The following ZMYM5 variants were observed in gnomAD, a reference collection of about 807,000 sequenced individuals.
ZMYM5 encodes the protein zinc finger MYM-type protein 5.
In ZMYM5, 41 loss-of-function variants were observed where a neutral mutation model predicts 61.8. The observed-to-expected ratio is 0.66, with a 90% CI of 0.52 to 0.86. ZMYM5 has a LOEUF of 0.86. ZMYM5 is among the 40% of genes least tolerant of loss of function. The pLI, the probability that ZMYM5 is intolerant of heterozygous loss-of-function variation, is 0.00. For synonymous variants in ZMYM5, 257 were observed against 276.4 expected, an observed-to-expected ratio of 0.93 and a Z score of 0.70; for missense variants, 706 against 786.7, an observed-to-expected ratio of 0.90 and a Z score of 1.23.
Position 19,825,164 on chromosome 13 carries a change from A to G in ZMYM5, c.1323T>C (p.Asn441=). 7.6e-7 allele frequency: 1 copy of G among 1,311,240 alleles called. No individual in the cohort carries two copies. The highest frequency in any genetic ancestry group is 2.4e-5 in the Admixed American group (1 of 41,858). The allele number at this position is 1,311,240 out of a possible 1,614,324, so 81.2% of individuals were successfully genotyped here. The change falls in exon 8 of 8, where the codon AAT becomes AAC. Residue 441 remains asparagine, a synonymous_variant. Transcript: ENST00000337963. The part of the protein sequence containing the change: ...NRKRNAFREE[N]EKQLYGSSNT... ...TTGACGATCCATATAATTGTTTCTC[A>G]TTTTCTTCTCTAAAAGCATTCCTTT... is the stretch of plus-strand genomic sequence containing the variant.
At chr13:19,850,725 T>A (rs1302907042) in intron 4 of ZMYM5, among the ~76,000 whole-genome samples, 1 of 152,122 alleles carries the variant, frequency 6.6e-6, no homozygotes, top group African/African-American at 2.4e-5. Flanking sequence ...AATCATTATA[T>A]ATTACTTTGT....
intron 2 of ZMYM5, among the ~76,000 whole-genome samples, chr13:19,859,529 A>G (rs920768071): frequency 3.3e-5 from 5 of 151,784 alleles, no homozygotes; most frequent in Non-Finnish European, 5.9e-5. Context: ...CAGCCTCCTG[A>G]GTAGCTGGGA....
At chr13:19,845,935 C>T (rs1953058334) in intron 4 of ZMYM5, among the ~76,000 whole-genome samples, 1 of 152,138 alleles carries the variant, frequency 6.6e-6, no homozygotes, top group African/African-American at 2.4e-5. Flanking sequence ...CTCCAGATCC[C>T]CTCCTCTCCC....
chr13:19,845,232 T>C (rs1210495217), intron 4 of ZMYM5, among the ~76,000 whole-genome samples: 1 of 152,206 alleles, frequency 6.6e-6, no homozygotes, highest in African/African-American at 2.4e-5. Context: ...AAATAAGGTT[T>C]TATAGTCTAC....
rs1952623148 is a variant in ZMYM5 at position 19,834,730 on chromosome 13, AC to A, written c.1251+746del. Among the ~76,000 whole-genome samples the A allele has an allele frequency of 2.0e-5, 3 of 152,056 alleles. No homozygotes were observed. In the South Asian group the frequency reaches 6.2e-4, roughly 31 times the overall value. On this transcript the variant is annotated intron_variant, in intron 7 of 7. Transcript: ENST00000337963. Reference sequence around the variant, plus strand: ...TTTTGAGACAGAGTCTTGCTCTGTCACCCCGGCTGGAATGCAGTGGCATGAT... The same window carrying A: ...TTTTGAGACAGAGTCTTGCTCTGTCACCCGGCTGGAATGCAGTGGCATGAT...
intron 2 of ZMYM5, among the ~76,000 whole-genome samples, chr13:19,860,292 AT>A (rs1176148584): frequency 0.013 from 1,750 of 130,068 alleles, 29 homozygotes; most frequent in African/African-American, 0.042. Context: ...CACCCGTTTA[AT>A]TTTTTTTTTT....
intron 1 of ZMYM5, among the ~76,000 whole-genome samples, chr13:19,862,754 G>C (rs1219449505): frequency 2.0e-5 from 3 of 152,182 alleles, no homozygotes; most frequent in African/African-American, 4.8e-5. Flanking sequence ...ACGTCGTCTC[G>C]ACGCCAGCAA....
chr13:19,828,450 GGAGACAGAGTGAGA>G (rs1891029143), intron 7 of ZMYM5, among the ~76,000 whole-genome samples: 1 of 152,102 alleles, frequency 6.6e-6, no homozygotes, highest in African/African-American at 2.4e-5. Flanking sequence ...CTCCAGCCTG[GGAGACAGAGTGAGA>G]CTCTGTCTCC....
chr13:19,824,380 G>A lies in ZMYM5; in HGVS notation c.*97C>T. ...GAACTGCTGCAAGTTACTCTGTAGA[G>A]GAGACTTACAACACAATAGTACTGA... is the stretch of plus-strand genomic sequence containing the variant. On this transcript the variant is annotated 3_prime_UTR_variant, in exon 8 of 8. Coordinates refer to ENST00000337963, the MANE Select transcript of ZMYM5 (RefSeq NM_001142684.2). 1 of 1,073,088 alleles carries A rather than the reference G, an allele frequency of 9.3e-7. No individual in the cohort carries two copies. The highest frequency in any genetic ancestry group is 1.2e-6 in the Non-Finnish European group (1 of 858,450). The allele number at this position is 1,073,088 out of a possible 1,614,324, so 66.5% of individuals were successfully genotyped here.
intron 4 of ZMYM5, among the ~76,000 whole-genome samples, chr13:19,846,106 A>C (rs188128581): frequency 6.6e-6 from 1 of 152,204 alleles, no homozygotes; most frequent in Non-Finnish European, 1.5e-5. Context: ...AAGGATTTAG[A>C]GTCTCTCTTC....
At chr13:19,844,687 T>C (rs1349467394) in intron 4 of ZMYM5, among the ~76,000 whole-genome samples, 1 of 152,168 alleles carries the variant, frequency 6.6e-6, no homozygotes, top group Non-Finnish European at 1.5e-5. Flanking sequence ...AGTGGCGCAA[T>C]ATCGGCTCAC....
At chr13:19,833,683 A>C (rs1566087732) in intron 7 of ZMYM5, among the ~76,000 whole-genome samples, 1 of 152,220 alleles carries the variant, frequency 6.6e-6, no homozygotes, top group Non-Finnish European at 1.5e-5. Context: ...ATATCTTTGT[A>C]ATTTTGGTGG....
At chr13:19,833,894 C>A (rs1460325669) in intron 7 of ZMYM5, among the ~76,000 whole-genome samples, 2 of 152,170 alleles carry the variant, frequency 1.3e-5, no homozygotes, top group East Asian at 3.8e-4. Context: ...AATCCCAGTA[C>A]TTTGGGAAGC....
rs370457862 is a variant in ZMYM5 at position 19,842,931 on chromosome 13, G to C, written c.587-3946C>G. 3.4e-3 allele frequency among the ~76,000 whole-genome samples: 469 copies of C among 136,370 alleles called. 2 individuals carry two copies. Among genetic ancestry groups the C allele is most frequent in the South Asian group, 0.025 (104 of 4,186 alleles). The allele number at this position is 136,370 out of a possible 152,430, so 89.5% of individuals were successfully genotyped here. On this transcript the variant is annotated intron_variant, in intron 4 of 7. Coordinates refer to ENST00000337963, the MANE Select transcript of ZMYM5 (RefSeq NM_001142684.2). ...GCCAACATCATGCCACTGCACTCCGGCCTGGGAGACAAGAGCCAAACTCCA... is the reference window on the plus strand; with the variant it reads ...GCCAACATCATGCCACTGCACTCCGCCCTGGGAGACAAGAGCCAAACTCCA...
At chr13:19,841,840 A>G (rs4409940) in intron 4 of ZMYM5, 146,691 of 152,004 alleles carry the variant, frequency 0.97, 71,034 homozygotes, top group East Asian at 1. Flanking sequence ...TTTTTGAGAC[A>G]GAGTCTTGCT....
At chr13:19,838,371 C>T (rs1352133823) in intron 5 of ZMYM5, among the ~76,000 whole-genome samples, 1 of 152,118 alleles carries the variant, frequency 6.6e-6, no homozygotes, top group Non-Finnish European at 1.5e-5. Context: ...GAGTGAGACT[C>T]CGTCTCAAAA....
chr13:19,825,001 T>C lies in ZMYM5; in HGVS notation c.1486A>G (p.Ile496Val), dbSNP rs1182591932. ...VNLPPSSTST[I>V]ADTFQEQLEE... ...AGTTGCTCTTGAAATGTATCAGCTA[T>C]GGTTGACGTGGAAGAAGGAGGTAAA... Residue 496 changes from isoleucine to valine, a missense_variant, in exon 8 of 8, where the codon ATA (isoleucine) becomes GTA (valine). Physicochemically the swap from Ile to Val is conservative, Grantham distance 29 (BLOSUM62 3). Coordinates refer to ENST00000337963, the MANE Select transcript of ZMYM5 (RefSeq NM_001142684.2). 1.5e-6 allele frequency: 2 copies of C among 1,367,406 alleles called. No homozygotes were observed. Among genetic ancestry groups the C allele is most frequent in the African/African-American group, 1.5e-5 (1 of 67,758 alleles). 84.7% of individuals were successfully genotyped at this position (1,367,406 alleles called of 1,614,324 possible).
chr13:19,840,119 A>G (rs529785621), intron 4 of ZMYM5, among the ~76,000 whole-genome samples: 1 of 152,344 alleles, frequency 6.6e-6, no homozygotes, highest in East Asian at 1.9e-4. Flanking sequence ...TCTATGATAA[A>G]GAATTATTTT....
intron 7 of ZMYM5, among the ~76,000 whole-genome samples, chr13:19,833,058 T>C (rs997638045): frequency 1.3e-5 from 2 of 152,124 alleles, no homozygotes; most frequent in African/African-American, 2.4e-5. Context: ...ATGTTCATTG[T>C]GTTCTTCTAT....
Sources: allele counts gnomAD v4.1 joint callset (sites outside exome capture counted in the v4.1 genomes callset), GRCh38; gene constraint gnomAD v4.1.1; transcripts MANE v1.5; gene names NCBI Gene and HGNC (gene_info 2026-07-23, HGNC 2026-07-21).